Variants in FBXO21 observed in about 807,000 individuals in gnomAD.
FBXO21 encodes F-box protein 21.
Under a neutral mutation model 76.6 loss-of-function variants are expected in FBXO21, and 32 were observed. That is an observed-to-expected ratio of 0.42 (90% confidence interval 0.32 to 0.56). The LOEUF is 0.56. FBXO21 is among the 20% of genes least tolerant of loss of function. The probability of loss-of-function intolerance (pLI) is 0.16; values close to 1 mark genes in which losing one functional copy is unlikely to be tolerated. For missense variants in FBXO21, 586 were observed against 797.3 expected (o/e 0.73, Z 3.19); for synonymous variants, 328 against 311.5 (o/e 1.05, Z -0.56).
chr12:117,167,313 G>A (rs1387854608), intron 7 of FBXO21, among the ~76,000 whole-genome samples: 1 of 152,172 alleles, frequency 6.6e-6, no homozygotes, highest in East Asian at 1.9e-4. Flanking sequence ...TCTTTAGGAA[G>A]ACTAAAACTC....
rs1956187741 is a variant in FBXO21 at position 117,177,556 on chromosome 12, G to C, written c.556C>G (p.Leu186Val). 1 of 1,613,714 alleles carries C rather than the reference G, an allele frequency of 6.2e-7. No homozygotes were observed. Residue 186 changes from leucine to valine, a missense_variant, in exon 4 of 12, where the codon CTT becomes GTT. Leu to Val is a conservative substitution (Grantham distance 32). Transcript: ENST00000622495. ...GACTCATAGTCATCTGGCTGCTGAA[G>C]AAAGGCCTTAAGATTATTTAAGATC... ...QKILNNLKAF[L>V]QQPDDYESYL...
chr12:117,189,227 G>A lies in FBXO21; in HGVS notation c.375C>T (p.His125=). Residue 125 remains histidine (H), a splice_region_variant and synonymous_variant, in exon 2 of 12, where the codon CAC becomes CAT. Transcript: ENST00000622495. ...ASFSKRFFSE[H]VPCNGFSDIE... ...TAGAGCCACATCAACAGATCCTTAC[G>A]TGCTCTGAAAAGAACCTCTTTGAGA... The A allele has an allele frequency of 1.2e-6, 2 of 1,614,142 alleles. No homozygotes were observed. The highest frequency in any genetic ancestry group is 1.7e-6 in the Non-Finnish European group (2 of 1,180,024).
chr12:117,148,411 A>G (rs1365113405), intron 11 of FBXO21, among the ~76,000 whole-genome samples: 1 of 152,226 alleles, frequency 6.6e-6, no homozygotes, highest in African/African-American at 2.4e-5. Context: ...ATGATGGCAC[A>G]TTAATTCAGC....
At chr12:117,175,374 C>T (rs1956163056) in intron 4 of FBXO21, among the ~76,000 whole-genome samples, 1 of 152,236 alleles carries the variant, frequency 6.6e-6, no homozygotes, top group South Asian at 2.1e-4. Context: ...GTGCAGAGCA[C>T]ACTGCAGACA....
At chr12:117,180,704 C>T (rs912867371) in intron 3 of FBXO21, among the ~76,000 whole-genome samples, 7 of 152,154 alleles carry the variant, frequency 4.6e-5, no homozygotes, top group South Asian at 4.1e-4. Flanking sequence ...CAGCTCACTG[C>T]AATCTCCGCC....
rs1051156338 is a variant in FBXO21, at chr12:117,176,981, G to A, written c.592+539C>T. On this transcript the variant is annotated intron_variant, in intron 4 of 11. Transcript: ENST00000622495. ...ATTCAAAATCATTTTAAAAAAAATG[G>A]AAGTCTCACTTTGTTCCTGTTCAAC... 2.6e-5 allele frequency among the ~76,000 whole-genome samples: 4 copies of A among 152,028 alleles called. No individual in the cohort carries two copies. In the South Asian group the frequency reaches 6.2e-4, roughly 24 times the overall value.
In FBXO21 at chr12:117,155,771, A is replaced by T; in HGVS notation, c.1675+20T>A. On this transcript the variant is annotated intron_variant, in intron 11 of 11. Coordinates refer to ENST00000622495, the MANE Select transcript of FBXO21 (RefSeq NM_015002.3). The stretch of plus-strand genomic sequence containing the variant: ...AACACGCCCGCGGGGCCACTGGCAC[A>T]AGCGGAACCCGCCGCTTACCTTGGG... 1 of 1,605,542 alleles carries T rather than the reference A, an allele frequency of 6.2e-7. No individual in the cohort carries two copies. The highest frequency in any genetic ancestry group is 8.5e-7 in the Non-Finnish European group (1 of 1,175,428).
intron 3 of FBXO21, among the ~76,000 whole-genome samples, chr12:117,181,660 A>G (rs1956235455): frequency 6.6e-6 from 1 of 151,604 alleles, no homozygotes; most frequent in Admixed American, 6.6e-5. Flanking sequence ...CTAGCTATCT[A>G]TCTATCTGAG....
In FBXO21 at chr12:117,153,160, G is replaced by A. The variant is rs1048229867; in HGVS notation, c.1675+2631C>T. Among the ~76,000 whole-genome samples, 5 of 152,110 alleles carry A rather than the reference G, an allele frequency of 3.3e-5. No homozygotes were observed. In the East Asian group the frequency reaches 5.8e-4, roughly 18 times the overall value. On this transcript the variant is annotated intron_variant, in intron 11 of 11. Coordinates refer to ENST00000622495, the MANE Select transcript of FBXO21 (RefSeq NM_015002.3). Reference sequence around the variant, plus strand: ...TTGCTAAGGAAAATGCCCGGTTGGGGACAGGCCGGGAGGCAGGTGCCAGTT... The same window carrying A: ...TTGCTAAGGAAAATGCCCGGTTGGGAACAGGCCGGGAGGCAGGTGCCAGTT...
At chr12:117,151,273 T>C (rs1955839841) in intron 11 of FBXO21, among the ~76,000 whole-genome samples, 1 of 151,902 alleles carries the variant, frequency 6.6e-6, no homozygotes, top group South Asian at 2.1e-4. Context: ...GCCATGAAAG[T>C]ATCAAAGCGC....
In FBXO21 at chr12:117,145,896, G is replaced by C. The variant is rs980555433; in HGVS notation, c.*191C>G. On this transcript the variant is annotated 3_prime_UTR_variant, in exon 12 of 12. Transcript: ENST00000622495. ...AGATTAATTCACTAGTGTAGGCGGA[G>C]AGCAACATTGTCTTTGCAGCTGGGG... 4 of 493,878 alleles carry C rather than the reference G, an allele frequency of 8.1e-6. No individual in the cohort carries two copies. The highest frequency in any genetic ancestry group is 3.7e-5 in the South Asian group (1 of 26,884). The allele number at this position is 493,878 out of a possible 1,614,324, so 30.6% of individuals were successfully genotyped here.
chr12:117,164,428 C>T (rs1956026622), intron 9 of FBXO21, among the ~76,000 whole-genome samples: 1 of 152,050 alleles, frequency 6.6e-6, no homozygotes, highest in Non-Finnish European at 1.5e-5. Flanking sequence ...AGGTTCCCAC[C>T]ACCACGCCCA....
chr12:117,155,703 C>T, intron 11 of FBXO21, 88 bp downstream of exon 11: 1 of 1,408,678 alleles, frequency 7.1e-7, no homozygotes, highest in Non-Finnish European at 9.6e-7. Context: ...AACCGATGGC[C>T]CACGCCCACA....
At chr12:117,147,295 AAAAAAAAAAAAAG>A (rs1342509103) in intron 11 of FBXO21, among the ~76,000 whole-genome samples, 2 of 119,254 alleles carry the variant, frequency 1.7e-5, no homozygotes, top group African/African-American at 5.4e-5. Flanking sequence ...AAATGGAAAA[AAAAAAAAAAAAAG>A]AAAAAAAAAA....
chr12:117,147,309 A>AAG (rs1955785752), intron 11 of FBXO21, among the ~76,000 whole-genome samples: 2 of 60,590 alleles, frequency 3.3e-5, no homozygotes, highest in South Asian at 1.2e-3. Context: ...AAAAAAAAAG[A>AAG]AAAAAAAAAG....
rs762493670 is a variant in FBXO21 at position 117,146,096 on chromosome 12, T to C, written c.1857A>G (p.Ile619Met). Residue 619 changes from isoleucine to methionine, a missense_variant, in exon 12 of 12, where the codon ATA becomes ATG. Ile to Met is a conservative substitution (Grantham distance 10). Coordinates refer to ENST00000622495, the MANE Select transcript of FBXO21 (RefSeq NM_015002.3). ...ATGTCCTCTCTAGACTTTACTCATC[T>C]ATGTTCTCTTTCTTTGCACTGTAAA... ...QNIYSAKKEN[I>M]DE 1.9e-6 allele frequency: 3 copies of C among 1,599,866 alleles called. No homozygotes were observed. The highest frequency in any genetic ancestry group is 2.6e-6 in the Non-Finnish European group (3 of 1,174,648).
rs548082924 is a variant in FBXO21, at chr12:117,175,133, C to T, written c.593-336G>A. ...AGATCTTTTCAAGCTACTTCTCTCT[C>T]CCTAGCTGTTATAGGTTCCAAATCC... On this transcript the variant is annotated intron_variant, in intron 4 of 11. Coordinates refer to ENST00000622495, the MANE Select transcript of FBXO21 (RefSeq NM_015002.3). Among the ~76,000 whole-genome samples the T allele has an allele frequency of 2.0e-5, 3 of 152,270 alleles. No homozygotes were observed. In the South Asian group the frequency reaches 6.2e-4, roughly 32 times the overall value.
chr12:117,174,142 A>G, intron 6 of FBXO21, 63 bp downstream of exon 6: 2 of 1,380,066 alleles, frequency 1.4e-6, no homozygotes, highest in Non-Finnish European at 2.1e-6. Flanking sequence ...GTCTCTAAAA[A>G]CAGAAAAAAA....
At chr12:117,168,135 A>G (rs1251703083) in intron 7 of FBXO21, among the ~76,000 whole-genome samples, 2 of 152,214 alleles carry the variant, frequency 1.3e-5, no homozygotes, top group Non-Finnish European at 2.9e-5. Flanking sequence ...TTCATCTTAT[A>G]TCTGAAGCCC....
Sources: gnomAD v4.1 joint callset for allele counts (sites outside exome capture counted in the v4.1 genomes callset) on GRCh38, gnomAD v4.1.1 for gene constraint, MANE v1.5 for transcripts, NCBI Gene and HGNC (gene_info 2026-07-23, HGNC 2026-07-21) for gene names.